Variants in DYM observed in about 807,000 individuals in gnomAD.
DYM encodes the protein dyggve-Melchior-Clausen syndrome protein.
A neutral mutation model predicts 93.1 loss-of-function variants in DYM; 78 were observed. The ratio of observed to expected loss-of-function variants is 0.84; its 90% CI spans 0.70 to 1.01. DYM has a LOEUF of 1.01. Ranked by LOEUF, DYM falls within the 50% of genes least tolerant of loss-of-function variation. The pLI, the probability that DYM is intolerant of heterozygous loss-of-function variation, is 0.00. For synonymous variants in DYM, 321 were observed against 319.7 expected (o/e 1.00, Z -0.04); for missense variants, 789 against 845.0 (o/e 0.93, Z 0.82).
At chr18:49,102,571 C>A (rs1016611558) in intron 16 of DYM, among the ~76,000 whole-genome samples, 1 of 152,150 alleles carries the variant, frequency 6.6e-6, no homozygotes, top group Non-Finnish European at 1.5e-5. Context: ...CCCCTCTCCC[C>A]CAACCCCACA....
rs973126261 is a variant in DYM, at chr18:49,126,869, C to T, written c.1729-7943G>A. ...TTGAAATTACTATAAGTGCAAAGAA[C>T]TCAGAACTCATGTTTCTTAGTTTTA... On this transcript the variant is annotated intron_variant, in intron 15 of 17. Transcript: ENST00000675505. 7.9e-5 allele frequency among the ~76,000 whole-genome samples: 12 copies of T among 152,174 alleles called. 1 individual carries two copies. In the South Asian group the frequency reaches 8.3e-4, roughly 11 times the overall value.
chr18:49,108,820 TCTC>T (rs1326051653), intron 16 of DYM, among the ~76,000 whole-genome samples: 1 of 152,228 alleles, frequency 6.6e-6, no homozygotes, highest in Non-Finnish European at 1.5e-5. Flanking sequence ...AGTGTTGACT[TCTC>T]CAATTATGGG....
intron 1 of DYM, among the ~76,000 whole-genome samples, chr18:49,432,094 C>A (rs981908675): frequency 1.3e-5 from 2 of 152,016 alleles, no homozygotes; most frequent in Non-Finnish European, 2.9e-5. Context: ...TCCTGAAGGC[C>A]GGGCGCTGTG....
At chr18:49,174,455 G>C (rs1486828824) in intron 14 of DYM, among the ~76,000 whole-genome samples, 1 of 152,102 alleles carries the variant, frequency 6.6e-6, no homozygotes, top group African/African-American at 2.4e-5. Context: ...GGTAATCCGA[G>C]TCTAGACCAT....
intron 14 of DYM, among the ~76,000 whole-genome samples, chr18:49,209,182 G>A (rs1340773703): frequency 6.6e-6 from 1 of 152,176 alleles, no homozygotes; most frequent in East Asian, 1.9e-4. Flanking sequence ...AGGTGTGCTT[G>A]CATGAAGGAG....
Position 49,317,207 on chromosome 18 carries a change from C to T in DYM, c.763+14657G>A, listed in dbSNP as rs180907121. Among the ~76,000 whole-genome samples the T allele has an allele frequency of 3.2e-3, 489 of 152,104 alleles. 3 individuals carry two copies. The highest frequency in any genetic ancestry group is 0.011 in the African/African-American group (473 of 41,488). ...TCATTTTTCTGTAAACCTAGAACTGCTCCAAAAAATAAAGTCTATTAATTT... is the reference window on the plus strand; with the variant it reads ...TCATTTTTCTGTAAACCTAGAACTGTTCCAAAAAATAAAGTCTATTAATTT... On this transcript the variant is annotated intron_variant, in intron 8 of 17. Transcript: ENST00000675505.
At chr18:49,344,035 T>C (rs972657867) in intron 6 of DYM, among the ~76,000 whole-genome samples, 20 of 152,252 alleles carry the variant, frequency 1.3e-4, no homozygotes, top group African/African-American at 4.3e-4. Flanking sequence ...TCAACATTCA[T>C]TTGAAACAAG....
intron 2 of DYM, among the ~76,000 whole-genome samples, chr18:49,398,267 T>C (rs888287416): frequency 6.6e-6 from 1 of 152,166 alleles, no homozygotes; most frequent in Non-Finnish European, 1.5e-5. Context: ...ACAATGTCTC[T>C]CTGCTGTCTG....
intron 13 of DYM, among the ~76,000 whole-genome samples, chr18:49,212,852 T>A (rs2092848317): frequency 6.6e-6 from 1 of 152,114 alleles, no homozygotes. Context: ...ATAAACTGAA[T>A]AATATCCATT....
intron 14 of DYM, among the ~76,000 whole-genome samples, chr18:49,175,894 G>C (rs2089318183): frequency 6.6e-6 from 1 of 152,058 alleles, no homozygotes; most frequent in Admixed American, 6.6e-5. Flanking sequence ...CCCACCAAAA[G>C]GGCACACCCT....
At chr18:49,198,902 G>C (rs78085033) in intron 14 of DYM, among the ~76,000 whole-genome samples, 112,894 of 146,180 alleles carry the variant, frequency 0.77, 43,544 homozygotes, top group Non-Finnish European at 0.81. Flanking sequence ...GATTATAAAT[G>C]ATGCTGCTAT....
At chr18:49,288,560 A>C (rs12457860) in intron 8 of DYM, among the ~76,000 whole-genome samples, 12,114 of 152,060 alleles carry the variant, frequency 0.08, 762 homozygotes, top group East Asian at 0.31. Flanking sequence ...AGATGGATCA[A>C]CTGAGGTCAG....
intron 14 of DYM, among the ~76,000 whole-genome samples, chr18:49,201,587 C>T (rs1474467748): frequency 2.0e-5 from 3 of 152,222 alleles, no homozygotes; most frequent in East Asian, 3.9e-4. Flanking sequence ...GCATTCAAGG[C>T]CCTCGAGAGT....
intron 1 of DYM, among the ~76,000 whole-genome samples, chr18:49,432,750 C>A (rs2148485217): frequency 6.6e-6 from 1 of 151,928 alleles, no homozygotes; most frequent in South Asian, 2.1e-4. Flanking sequence ...GTAGCTGGAA[C>A]TACAGGTACA....
At chr18:49,262,888 C>A (rs1471181607) in intron 11 of DYM, among the ~76,000 whole-genome samples, 4 of 152,156 alleles carry the variant, frequency 2.6e-5, no homozygotes, top group Non-Finnish European at 5.9e-5. Flanking sequence ...AGGCTATTTA[C>A]AGTTGTTTTC....
chr18:49,320,056 G>T (rs772181169), intron 8 of DYM, among the ~76,000 whole-genome samples: 13 of 152,118 alleles, frequency 8.5e-5, no homozygotes, highest in Non-Finnish European at 1.6e-4. Flanking sequence ...TTAAAGATAG[G>T]GAAAAGCTTG....
intron 15 of DYM, among the ~76,000 whole-genome samples, chr18:49,135,242 T>C (rs556629652): frequency 6.6e-6 from 1 of 152,340 alleles, no homozygotes; most frequent in East Asian, 1.9e-4. Context: ...TGAACTTTAC[T>C]GAAGACACAA....
At chr18:49,091,065 T>C (rs1228796266) in intron 17 of DYM, among the ~76,000 whole-genome samples, 3 of 152,230 alleles carry the variant, frequency 2.0e-5, no homozygotes, top group East Asian at 1.9e-4. Context: ...TAAGAGTCTA[T>C]GGAGAGCTGT....
Position 49,118,737 on chromosome 18 carries a change from C to T in DYM, c.1911+7G>A. The T allele has an allele frequency of 6.2e-7, 1 of 1,609,978 alleles. No homozygotes were observed. The highest frequency in any genetic ancestry group is 1.1e-5 in the South Asian group (1 of 90,988). On this transcript the variant is annotated splice_region_variant and intron_variant, in intron 16 of 17. Transcript: ENST00000675505. ...GAATCATAATAAATGTCTTCATTTACACTCACCAGATCAATATTTTGCATT... is the reference window on the plus strand; with the variant it reads ...GAATCATAATAAATGTCTTCATTTATACTCACCAGATCAATATTTTGCATT...
Sources: allele counts gnomAD v4.1 joint callset (sites outside exome capture counted in the v4.1 genomes callset), GRCh38; gene constraint gnomAD v4.1.1; transcripts MANE v1.5; gene names NCBI Gene and HGNC (gene_info 2026-07-23, HGNC 2026-07-21).